Variants in POFUT3 observed in about 807,000 individuals in gnomAD.
POFUT3 encodes the protein GDP-fucose protein O-fucosyltransferase 3.
the POFUT3 span, among the ~76,000 whole-genome samples, chr8:33,435,356 T>G: frequency 4.0e-4 from 61 of 152,054 alleles, no homozygotes; most frequent in African/African-American, 1.4e-3. Flanking sequence ...TAGCTGGGAC[T>G]ACAGGCACAC....
At chr8:33,317,517 T>C in the POFUT3 span, among the ~76,000 whole-genome samples, 1 of 152,124 alleles carries the variant, frequency 6.6e-6, no homozygotes, top group East Asian at 1.9e-4. Context: ...TCCACCCTTT[T>C]AGGCCAAACC....
At chr8:33,455,659 TTAAAG>T in the POFUT3 span, 6 of 342,090 alleles carry the variant, frequency 1.8e-5, no homozygotes, top group Non-Finnish European at 3.5e-5. Context: ...GTTAAAGCAG[TTAAAG>T]TAAGGCACAT....
chr8:33,374,831 T>G, the POFUT3 span, among the ~76,000 whole-genome samples: 1 of 152,064 alleles, frequency 6.6e-6, no homozygotes, highest in African/African-American at 2.4e-5. Context: ...ACCTATTGCT[T>G]AAATTTAGGG....
At chr8:33,423,828 AAAAAAAAAAAAAAAAAAGAGCCAT>A in the POFUT3 span, among the ~76,000 whole-genome samples, 1,352 of 148,388 alleles carry the variant, frequency 9.1e-3, 22 homozygotes, top group East Asian at 0.11. Flanking sequence ...TAAAAAAAAA[AAAAAAAAAAAAAAAAAAGAGCCAT>A]TACTGGGCGG....
At chr8:33,437,755 A>G in the POFUT3 span, among the ~76,000 whole-genome samples, 3 of 152,148 alleles carry the variant, frequency 2.0e-5, no homozygotes, top group East Asian at 3.9e-4. Flanking sequence ...AGGTTGCAGT[A>G]AGCCAAGATC....
chr8:33,322,850 G>A, the POFUT3 span, among the ~76,000 whole-genome samples: 3 of 152,152 alleles, frequency 2.0e-5, no homozygotes, highest in African/African-American at 7.2e-5. Flanking sequence ...GACATGCTTG[G>A]CAAGGGAGGT....
chr8:33,464,724 G>A, the POFUT3 span, among the ~76,000 whole-genome samples: 16 of 152,294 alleles, frequency 1.1e-4, no homozygotes, highest in East Asian at 3.1e-3. Flanking sequence ...AGGCTGCAGT[G>A]AGCCGTGATT....
chr8:33,405,416 T>C, the POFUT3 span, among the ~76,000 whole-genome samples: 2,141 of 152,194 alleles, frequency 0.014, 60 homozygotes, highest in African/African-American at 0.049. Context: ...GATGGTAGAC[T>C]AGTAAGTGGC....
chr8:33,441,580 T>C, the POFUT3 span, among the ~76,000 whole-genome samples: 2 of 151,860 alleles, frequency 1.3e-5, no homozygotes, highest in East Asian at 2.0e-4. Context: ...GGGGTTTCCA[T>C]ATGCTGCCCA....
At chr8:33,401,252 C>T in the POFUT3 span, among the ~76,000 whole-genome samples, 1 of 152,126 alleles carries the variant, frequency 6.6e-6, no homozygotes, top group Non-Finnish European at 1.5e-5. Context: ...TCCCAAAGTG[C>T]TGGGATCACA....
chr8:33,335,865 G>A, the POFUT3 span, among the ~76,000 whole-genome samples: 1 of 152,134 alleles, frequency 6.6e-6, no homozygotes, highest in Admixed American at 6.5e-5. Context: ...TGATCTTCAT[G>A]CTGAACAGGC....
At chr8:33,324,154 T>A in the POFUT3 span, among the ~76,000 whole-genome samples, 1 of 152,106 alleles carries the variant, frequency 6.6e-6, no homozygotes, top group Non-Finnish European at 1.5e-5. Flanking sequence ...AAAAAGCCCA[T>A]GTGAAAGGTT....
chr8:33,441,893 C>T, the POFUT3 span, among the ~76,000 whole-genome samples: 51 of 152,242 alleles, frequency 3.3e-4, no homozygotes, highest in East Asian at 1.9e-4. Flanking sequence ...GAAATCTGTG[C>T]CCTGCCTCCC....
the POFUT3 span, among the ~76,000 whole-genome samples, chr8:33,379,914 A>ATATATATACAC: frequency 5.6e-4 from 67 of 119,930 alleles, no homozygotes; most frequent in African/African-American, 2.2e-3. Context: ...TATATATGCT[A>ATATATATACAC]TATATATACA....
At chr8:33,351,115 C>T in the POFUT3 span, among the ~76,000 whole-genome samples, 3 of 152,162 alleles carry the variant, frequency 2.0e-5, no homozygotes, top group East Asian at 1.9e-4. Flanking sequence ...CCGCCACACC[C>T]GGCTAGTTTT....
chr8:33,458,900 A>G, the POFUT3 span, among the ~76,000 whole-genome samples: 1 of 152,266 alleles, frequency 6.6e-6, no homozygotes, highest in South Asian at 2.1e-4. Context: ...ACAGCACCAT[A>G]TTGTCTGCCA....
chr8:33,411,138 C>T, the POFUT3 span, among the ~76,000 whole-genome samples: 2 of 152,024 alleles, frequency 1.3e-5, no homozygotes, highest in Non-Finnish European at 2.9e-5. Context: ...GTTGAGTTTG[C>T]ATGAAAGGAA....
chr8:33,428,911 T>G, the POFUT3 span, among the ~76,000 whole-genome samples: 2 of 152,146 alleles, frequency 1.3e-5, no homozygotes, highest in African/African-American at 2.4e-5. Context: ...TTACCCAGTC[T>G]CCAGTATTCT....
the POFUT3 span, chr8:33,461,647 A>G: frequency 2.0e-6 from 3 of 1,523,840 alleles, no homozygotes; most frequent in Non-Finnish European, 2.6e-6. Flanking sequence ...TGGCATCGAG[A>G]GGAAGCAGCA....
Sources: gnomAD v4.1 joint callset for allele counts (sites outside exome capture counted in the v4.1 genomes callset) on GRCh38, gnomAD v4.1.1 for gene constraint, MANE v1.5 for transcripts, NCBI Gene and HGNC (gene_info 2026-07-23, HGNC 2026-07-21) for gene names.